PCDHA5: variants seen among roughly 807,000 people sequenced by gnomAD.
The protein encoded by PCDHA5 is protocadherin alpha-5.
A neutral mutation model predicts 61.6 loss-of-function variants in PCDHA5; 43 were observed. The observed-to-expected ratio is 0.70, with a 90% CI of 0.55 to 0.90. PCDHA5 has a LOEUF of 0.90. Among genes scored for constraint, PCDHA5 ranks in the 40% least tolerant of loss-of-function variants. The pLI, the probability that PCDHA5 is intolerant of heterozygous loss-of-function variation, is 0.00. For missense variants in PCDHA5, 1,298 were observed against 1,222.7 expected, an observed-to-expected ratio of 1.06 and a Z score of -0.92; for synonymous variants, 627 against 543.9, an observed-to-expected ratio of 1.15 and a Z score of -2.13.
At chr5:140,891,722 T>C (rs534881594) in intron 1 of PCDHA5, among the ~76,000 whole-genome samples, 1 of 152,292 alleles carries the variant, frequency 6.6e-6, no homozygotes, top group East Asian at 1.9e-4. Flanking sequence ...CAAATTCATG[T>C]GTTGAAAATT....
intron 1 of PCDHA5, among the ~76,000 whole-genome samples, chr5:140,950,042 T>C (rs2153688283): frequency 6.6e-6 from 1 of 152,082 alleles, no homozygotes; most frequent in South Asian, 2.1e-4. Flanking sequence ...GTTACAACCA[T>C]ATAAGACTAT....
At chr5:140,964,013 A>G (rs155811) in intron 1 of PCDHA5, among the ~76,000 whole-genome samples, 53,810 of 151,994 alleles carry the variant, frequency 0.35, 9,678 homozygotes, top group East Asian at 0.53. Context: ...TTTTTAATAG[A>G]GAGCTCTTGA....
chr5:140,929,410 CACA>C (rs2153600762), intron 1 of PCDHA5: 2 of 1,505,808 alleles, frequency 1.3e-6, no homozygotes, highest in East Asian at 2.3e-5. Context: ...ACAAGCCTTT[CACA>C]ACATTTCATC....
chr5:140,955,156 G>A (rs556311036), intron 1 of PCDHA5, among the ~76,000 whole-genome samples: 25 of 152,262 alleles, frequency 1.6e-4, no homozygotes, highest in East Asian at 3.9e-4. Context: ...TACCAGTACC[G>A]TGCTGTTTTG....
chr5:140,928,474 C>T, intron 1 of PCDHA5: 1 of 1,614,090 alleles, frequency 6.2e-7, no homozygotes, highest in Non-Finnish European at 8.5e-7. Flanking sequence ...AGTAGAAGGC[C>T]GGGATGGTGG....
At chr5:141,007,379 C>T (rs1178671835) in intron 3 of PCDHA5, among the ~76,000 whole-genome samples, 1 of 139,926 alleles carries the variant, frequency 7.1e-6, no homozygotes, top group Non-Finnish European at 1.5e-5. Context: ...GATGGAACAC[C>T]ATCTCTACTA....
chr5:140,895,647 C>T (rs954657912), intron 1 of PCDHA5, among the ~76,000 whole-genome samples: 1 of 151,996 alleles, frequency 6.6e-6, no homozygotes, highest in African/African-American at 2.4e-5. Context: ...TTTTTAGCTC[C>T]CACTTATAAG....
intron 1 of PCDHA5, chr5:140,968,708 A>G: frequency 1.2e-6 from 2 of 1,614,126 alleles, no homozygotes; most frequent in Non-Finnish European, 1.7e-6. Flanking sequence ...TACCAGGAAG[A>G]TGGGAGATGA....
intron 1 of PCDHA5, among the ~76,000 whole-genome samples, chr5:140,844,747 T>A (rs1779528592): frequency 6.7e-6 from 1 of 149,678 alleles, no homozygotes; most frequent in South Asian, 2.1e-4. Context: ...TATTATGGGA[T>A]AAATCTTTGA....
In PCDHA5 at chr5:140,822,605, T is replaced by C. The variant is rs1335450895; in HGVS notation, c.830T>C (p.Val277Ala). ...GATGAGGGCATCAATAAGGAAATAGTGTATTTCTTTAGTAATCTTGTTCTT... is the reference window on the plus strand; with the variant it reads ...GATGAGGGCATCAATAAGGAAATAGCGTATTTCTTTAGTAATCTTGTTCTT... ...DADEGINKEI[V>A]YFFSNLVLDD... The change falls in exon 1 of 4, where the codon GTG (valine) becomes GCG (alanine). Residue 277 changes from valine (V) to alanine (A), a missense_variant. Val to Ala is a moderately conservative substitution (Grantham distance 64, BLOSUM62 0). Transcript: ENST00000529859. 3.7e-6 allele frequency: 6 copies of C among 1,607,780 alleles called. No individual in the cohort carries two copies. Among genetic ancestry groups the C allele is most frequent in the Non-Finnish European group, 5.1e-6 (6 of 1,174,678 alleles).
At chr5:140,835,546 C>A (rs1340907598) in intron 1 of PCDHA5, 1 of 1,613,946 alleles carries the variant, frequency 6.2e-7, no homozygotes, top group African/African-American at 1.3e-5. Context: ...GTTACCTGCT[C>A]CCTGACGCCC....
intron 1 of PCDHA5, chr5:140,863,701 A>G (rs782228120): frequency 3.1e-5 from 9 of 294,760 alleles, no homozygotes; most frequent in Non-Finnish European, 6.0e-5. Context: ...TGCTTTATTT[A>G]AAGTACACTG....
intron 1 of PCDHA5, among the ~76,000 whole-genome samples, chr5:140,873,504 T>TTTTTTTTTTTTTTTTTTTTTTTGAG: frequency 6.6e-6 from 1 of 152,256 alleles, no homozygotes; most frequent in South Asian, 2.1e-4. Context: ...TTGTGTCTTT[T>TTTTTTTTTTTTTTTTTTTTTTTGAG]ATACTTAATG....
chr5:140,821,618 T>C lies in PCDHA5; in HGVS notation c.-158T>C. Reference sequence around the variant, plus strand: ...CTCAAAGGAATACAGTGAGTAGATTTTCCTTAGACAGAAAGGAAAAGAACC... The same window carrying C: ...CTCAAAGGAATACAGTGAGTAGATTCTCCTTAGACAGAAAGGAAAAGAACC... On this transcript the variant is annotated 5_prime_UTR_variant, in exon 1 of 4. Transcript: ENST00000529859. 1 of 858,038 alleles carries C rather than the reference T, an allele frequency of 1.2e-6. No individual in the cohort carries two copies. The highest frequency in any genetic ancestry group is 1.7e-6 in the Non-Finnish European group (1 of 577,130). 53.2% of individuals were successfully genotyped at this position (858,038 alleles called of 1,614,324 possible). A position where few individuals can be genotyped will look rare whatever the true frequency, so the allele number is the denominator to read the frequency against.
intron 1 of PCDHA5, chr5:140,853,462 C>A: frequency 1.0e-6 from 1 of 971,970 alleles, no homozygotes; most frequent in Non-Finnish European, 1.2e-6. Context: ...TCCTTATATG[C>A]ATCTGTAGTT....
chr5:140,859,311 T>C (rs1441323923), intron 1 of PCDHA5: 1 of 128,808 alleles, frequency 7.8e-6, no homozygotes, highest in Non-Finnish European at 1.8e-5. Flanking sequence ...GAATTAATAT[T>C]AAAAGTTTGA....
chr5:140,823,439 T>C lies in PCDHA5; in HGVS notation c.1664T>C (p.Leu555Pro), dbSNP rs2150125835. The C allele has an allele frequency of 6.2e-6, 10 of 1,613,256 alleles. No individual in the cohort carries two copies. Among genetic ancestry groups the C allele is most frequent in the African/African-American group, 1.3e-5 (1 of 74,918 alleles). The change falls in exon 1 of 4, where the codon CTG becomes CCG. Residue 555 changes from leucine (L) to proline (P), a missense_variant. Coordinates refer to ENST00000529859, the MANE Select transcript of PCDHA5 (RefSeq NM_018908.3). The stretch of plus-strand genomic sequence containing the variant: ...AACGTGACGCTGCAGGTGTTCGTGC[T>C]GGACGAGAACGACAACGCGCCGGCG... ...GSNVTLQVFV[L>P]DENDNAPALL...
rs530025575 is a variant in PCDHA5 at position 140,922,023 on chromosome 5, TA to T, written c.2353-56920del. On this transcript the variant is annotated intron_variant, in intron 1 of 3. Coordinates refer to ENST00000529859, the MANE Select transcript of PCDHA5 (RefSeq NM_018908.3). ...AATGATTAGTTTAAAAAAATAAATA[TA>T]AAAAATGTAATTTTCCCACATACCT... Among the ~76,000 whole-genome samples, 1,214 of 152,080 alleles carry T rather than the reference TA, an allele frequency of 8.0e-3. 6 individuals carry two copies. The highest frequency in any genetic ancestry group is 0.019 in the African/African-American group (784 of 41,506).
At chr5:140,902,437 T>A (rs2069464443) in intron 1 of PCDHA5, among the ~76,000 whole-genome samples, 3 of 152,154 alleles carry the variant, frequency 2.0e-5, no homozygotes, top group Admixed American at 2.0e-4. Context: ...GGCATCCTTG[T>A]CATATTCTAG....
Sources: gnomAD v4.1 joint callset for allele counts (sites outside exome capture counted in the v4.1 genomes callset) on GRCh38, gnomAD v4.1.1 for gene constraint, MANE v1.5 for transcripts, NCBI Gene and HGNC (gene_info 2026-07-23, HGNC 2026-07-21) for gene names.